Variants in TTC6 observed in about 807,000 individuals in gnomAD.
TTC6 encodes the protein tetratricopeptide repeat domain 6, also known as tetratricopeptide repeat protein 6.
In TTC6, 172 loss-of-function variants were observed where a neutral mutation model predicts 210.4. That is an observed-to-expected ratio of 0.82 (90% confidence interval 0.72 to 0.93). TTC6 has a LOEUF of 0.93. TTC6 is among the 40% of genes least tolerant of loss of function. The pLI is 0.00. For synonymous variants in TTC6, 804 were observed against 819.6 expected (o/e 0.98, Z 0.32); for missense variants, 2,414 against 2,318.1 (o/e 1.04, Z -0.85).
chr14:37,605,480 T>C (rs1017322947), intron 1 of TTC6, among the ~76,000 whole-genome samples: 2 of 150,542 alleles, frequency 1.3e-5, no homozygotes, highest in African/African-American at 4.9e-5. Flanking sequence ...TGAGTGAGTA[T>C]GGGGGAAGTG....
intron 2 of TTC6, among the ~76,000 whole-genome samples, chr14:37,681,870 T>C (rs1049916398): frequency 1.8e-4 from 28 of 152,146 alleles, no homozygotes; most frequent in African/African-American, 6.8e-4. Flanking sequence ...CTTGTAAAGA[T>C]GTGAGTCAAG....
intron 14 of TTC6, among the ~76,000 whole-genome samples, chr14:37,763,748 C>T (rs2095991081): frequency 1.3e-5 from 2 of 151,988 alleles, no homozygotes; most frequent in Admixed American, 1.3e-4. Flanking sequence ...TATTTAAAAA[C>T]ACCAACATTT....
chr14:37,618,387 G>A (rs530012824), upstream of TTC6, among the ~76,000 whole-genome samples: 5 of 152,326 alleles, frequency 3.3e-5, no homozygotes, highest in South Asian at 1.0e-3. Flanking sequence ...CAGATTTTAA[G>A]AGCATTCTGT....
At chr14:37,601,952 A>T (rs1036731651) in intron 1 of TTC6, among the ~76,000 whole-genome samples, 12 of 152,260 alleles carry the variant, frequency 7.9e-5, no homozygotes, top group African/African-American at 2.9e-4. Flanking sequence ...AGGAGCTGGA[A>T]AGGAAACATC....
chr14:37,752,157 G>C (rs1421926829), intron 13 of TTC6, among the ~76,000 whole-genome samples: 5 of 151,888 alleles, frequency 3.3e-5, no homozygotes, highest in African/African-American at 1.2e-4. Context: ...CCGTAGTCAA[G>C]GCAAAATATT....
At chr14:37,655,016 A>T (rs2095719342) in intron 1 of TTC6, among the ~76,000 whole-genome samples, 1 of 152,148 alleles carries the variant, frequency 6.6e-6, no homozygotes, top group South Asian at 2.1e-4. Context: ...GTACCCTGGG[A>T]ATGGGTTTGG....
intron 1 of TTC6, among the ~76,000 whole-genome samples, chr14:37,630,570 G>A (rs2095667606): frequency 1.3e-5 from 2 of 152,160 alleles, no homozygotes; most frequent in South Asian, 4.1e-4. Flanking sequence ...ATTTGGGGTG[G>A]AGAGTTCTGT....
chr14:37,639,005 C>T (rs1016011066), intron 1 of TTC6, among the ~76,000 whole-genome samples: 3 of 152,138 alleles, frequency 2.0e-5, no homozygotes, highest in South Asian at 2.1e-4. Context: ...TACATACATA[C>T]GTACAAATAC....
At chr14:37,673,088 TTTTC>T (rs1284680835) in intron 1 of TTC6, among the ~76,000 whole-genome samples, 1 of 152,130 alleles carries the variant, frequency 6.6e-6, no homozygotes, top group African/African-American at 2.4e-5. Context: ...ATTCCATTTT[TTTTC>T]TTTATCAAAT....
At chr14:37,694,575 T>C (rs1483549464) in intron 3 of TTC6, among the ~76,000 whole-genome samples, 1 of 152,152 alleles carries the variant, frequency 6.6e-6, no homozygotes, top group African/African-American at 2.4e-5. Context: ...CGCTGCTGGG[T>C]ACATACCCCA....
intron 21 of TTC6, 151 bp downstream of exon 23, chr14:37,804,965 C>T: frequency 1.4e-6 from 1 of 704,012 alleles, no homozygotes; most frequent in South Asian, 2.1e-5. Flanking sequence ...CTGCACCCTG[C>T]AACACCTAGG....
exon 23 of TTC6, chr14:37,807,333 G>T: frequency 6.5e-7 from 1 of 1,527,206 alleles, no homozygotes; most frequent in Non-Finnish European, 8.8e-7. Context: ...TATTTAAGCC[G>T]AGTAGCATTC....
At chr14:37,600,350 G>T (rs1000725688) in intron 1 of TTC6, among the ~76,000 whole-genome samples, 1 of 152,162 alleles carries the variant, frequency 6.6e-6, no homozygotes, top group African/African-American at 2.4e-5. Context: ...GAGCAGTGAT[G>T]GAAGCCGAGG....
chr14:37,750,877 G>A (rs1595195847), intron 12 of TTC6, among the ~76,000 whole-genome samples, 176 bp from the exon 15 acceptor site: 1 of 152,050 alleles, frequency 6.6e-6, no homozygotes, highest in Non-Finnish European at 1.5e-5. Flanking sequence ...GTGACAGAAG[G>A]AGATCCTGCC....
At chr14:37,602,820 T>C (rs947228869) in intron 1 of TTC6, among the ~76,000 whole-genome samples, 1 of 152,124 alleles carries the variant, frequency 6.6e-6, no homozygotes, top group South Asian at 2.1e-4. Flanking sequence ...TTTTAGCAGA[T>C]CTGGTGTAGA....
chr14:37,630,940 T>C (rs904573191), intron 1 of TTC6, among the ~76,000 whole-genome samples: 1 of 111,912 alleles, frequency 8.9e-6, no homozygotes, highest in Non-Finnish European at 1.9e-5. Context: ...TTTTTTTTTT[T>C]TTTTTTTGCT....
In TTC6 at chr14:37,842,401, T is replaced by G. The variant is rs148313367; in HGVS notation, c.*110T>G. The G allele has an allele frequency of 4.0e-6, 4 of 1,003,618 alleles. No homozygotes were observed. In the African/African-American group the frequency reaches 6.7e-5, roughly 17 times the overall value. 62.2% of individuals were successfully genotyped at this position (1,003,618 alleles called of 1,614,324 possible). ...ATTTTCATTATTGTATTCGTTATGC[T>G]TAGTCTTCCATATAACCTTCTATGC... is the stretch of plus-strand genomic sequence containing the variant. On this transcript the variant is annotated 3_prime_UTR_variant, in exon 31 of 31. Coordinates refer to ENST00000553443, the Ensembl canonical transcript of TTC6.
At chr14:37,612,861 T>C (rs959912486) in intron 2 of TTC6, among the ~76,000 whole-genome samples, 21 of 152,194 alleles carry the variant, frequency 1.4e-4, no homozygotes, top group Admixed American at 4.6e-4. Context: ...ATACTTTCAC[T>C]CTTAGTACAT....
At chr14:37,681,752 T>C (rs564078590) in intron 2 of TTC6, among the ~76,000 whole-genome samples, 41 of 152,250 alleles carry the variant, frequency 2.7e-4, no homozygotes, top group Admixed American at 2.4e-3. Context: ...CATTGTCAGA[T>C]TCCCTACCTT....
Sources: allele counts gnomAD v4.1 joint callset (sites outside exome capture counted in the v4.1 genomes callset), GRCh38; gene constraint gnomAD v4.1.1; transcripts MANE v1.5; gene names NCBI Gene and HGNC (gene_info 2026-07-23, HGNC 2026-07-21).